RHBDD1: variants seen among roughly 807,000 people sequenced by gnomAD.
RHBDD1 encodes rhomboid-related protein 4.
In RHBDD1, 38 loss-of-function variants were observed where a neutral mutation model predicts 36.3. The observed-to-expected ratio is 1.05, with a 90% CI of 0.81 to 1.37. RHBDD1 has a LOEUF of 1.37. Ranked by LOEUF, RHBDD1 falls within the 40% of genes most tolerant of loss-of-function variation. The probability of loss-of-function intolerance (pLI) is 0.00; values close to 1 mark genes in which losing one functional copy is unlikely to be tolerated. For synonymous variants in RHBDD1, 151 were observed against 136.5 expected, an observed-to-expected ratio of 1.11 and a Z score of -0.74; for missense variants, 393 against 377.6, an observed-to-expected ratio of 1.04 and a Z score of -0.34.
intron 8 of RHBDD1, among the ~76,000 whole-genome samples, chr2:226,929,894 A>G (rs191289505): frequency 1.1e-3 from 165 of 152,172 alleles, no homozygotes; most frequent in African/African-American, 3.8e-3. Flanking sequence ...CCCTTTTATG[A>G]TAGCTGCAAA....
intron 3 of RHBDD1, among the ~76,000 whole-genome samples, chr2:226,859,930 G>A (rs1299342820): frequency 1.3e-5 from 2 of 152,162 alleles, no homozygotes; most frequent in African/African-American, 4.8e-5. Flanking sequence ...CAGTTGGTTG[G>A]ATTTTATGGT....
chr2:226,842,067 A>G (rs921535160), intron 3 of RHBDD1, among the ~76,000 whole-genome samples: 3 of 151,990 alleles, frequency 2.0e-5, no homozygotes, highest in Non-Finnish European at 2.9e-5. Context: ...GCTTTTTTTC[A>G]TATGTTTCAT....
At position 226,906,849 on chromosome 2, in the gene RHBDD1, G is replaced by A; in HGVS notation, c.623G>A (p.Gly208Glu). 2 of 1,614,108 alleles carry A rather than the reference G, an allele frequency of 1.2e-6. No individual in the cohort carries two copies. ...GILVGLMYTQ[G>E]PLKKIMEACA... Reference sequence around the variant, plus strand: ...CTTGTTGGACTAATGTACACTCAAGGGCCTCTGAAGAAAATCATGGAAGCA... The same window carrying A: ...CTTGTTGGACTAATGTACACTCAAGAGCCTCTGAAGAAAATCATGGAAGCA... The change falls in exon 6 of 9, where the codon GGG becomes GAG. Residue 208 changes from glycine to glutamate, a missense_variant. Transcript: ENST00000392062.
At position 226,996,832 on chromosome 2, in the gene RHBDD1, T is replaced by A. The variant is rs1959480430; in HGVS notation, c.*1310T>A. The A allele has an allele frequency of 6.6e-6, 1 of 152,324 alleles. No homozygotes were observed. Among genetic ancestry groups the A allele is most frequent in the African/African-American group, 2.4e-5 (1 of 41,574 alleles). 9.4% of individuals were successfully genotyped at this position (152,324 alleles called of 1,614,324 possible). A position where few individuals can be genotyped will look rare whatever the true frequency, so the allele number is the denominator to read the frequency against. On this transcript the variant is annotated 3_prime_UTR_variant, in exon 9 of 9. Transcript: ENST00000392062. ...TCAGGAAAACATATTTAATAACATA[T>A]AGTCAAGAAAACAGACTTAAAAATA...
At chr2:226,842,247 C>T (rs912762078) in intron 3 of RHBDD1, among the ~76,000 whole-genome samples, 3 of 152,084 alleles carry the variant, frequency 2.0e-5, no homozygotes, top group African/African-American at 7.2e-5. Context: ...GTTGTCTGTT[C>T]ACTCTAATGA....
At chr2:226,844,223 T>C (rs1016656180) in intron 3 of RHBDD1, among the ~76,000 whole-genome samples, 1 of 152,222 alleles carries the variant, frequency 6.6e-6, no homozygotes. Context: ...ATTCCAACTT[T>C]GGTCACTATC....
chr2:226,819,355 A>G, the RHBDD1 span, among the ~76,000 whole-genome samples: 1 of 152,160 alleles, frequency 6.6e-6, no homozygotes, highest in Non-Finnish European at 1.5e-5. Context: ...TGATGTACAT[A>G]TTTTATTTTC....
chr2:226,950,240 T>C (rs764216044), intron 8 of RHBDD1, among the ~76,000 whole-genome samples: 2 of 152,240 alleles, frequency 1.3e-5, no homozygotes, highest in Non-Finnish European at 2.9e-5. Flanking sequence ...TGCTCTCTGC[T>C]TCTGTGAGTT....
At chr2:226,962,521 T>A (rs964230188) in intron 8 of RHBDD1, among the ~76,000 whole-genome samples, 1 of 152,252 alleles carries the variant, frequency 6.6e-6, no homozygotes, top group African/African-American at 2.4e-5. Flanking sequence ...TAGTCTTTAA[T>A]CATATCTGTA....
intron 7 of RHBDD1, among the ~76,000 whole-genome samples, chr2:226,912,967 G>A (rs1200884687): frequency 1.3e-5 from 2 of 152,098 alleles, no homozygotes; most frequent in Non-Finnish European, 2.9e-5. Flanking sequence ...TTGTTTATAT[G>A]AAAATGAAGT....
chr2:226,866,715 T>A (rs1379769343), intron 4 of RHBDD1, among the ~76,000 whole-genome samples: 1 of 152,240 alleles, frequency 6.6e-6, no homozygotes, highest in Non-Finnish European at 1.5e-5. Flanking sequence ...TTCCTTCTGC[T>A]TTTCCTGACA....
At chr2:226,986,127 C>G (rs1956889663) in intron 8 of RHBDD1, among the ~76,000 whole-genome samples, 1 of 152,088 alleles carries the variant, frequency 6.6e-6, no homozygotes, top group South Asian at 2.1e-4. Flanking sequence ...CAAACCAGAC[C>G]GAATGAAATT....
chr2:226,930,743 CAAA>C (rs1287256585), intron 8 of RHBDD1, among the ~76,000 whole-genome samples: 4 of 151,752 alleles, frequency 2.6e-5, no homozygotes, highest in African/African-American at 9.7e-5. Flanking sequence ...ATGTATCTGA[CAAA>C]GGACTAATAT....
chr2:226,908,609 A>G, intron 6 of RHBDD1: 1 of 555,588 alleles, frequency 1.8e-6, no homozygotes, highest in Non-Finnish European at 3.2e-6. Context: ...ACACACACAC[A>G]CACACACACA....
chr2:226,993,286 G>A (rs534585316), intron 8 of RHBDD1, among the ~76,000 whole-genome samples: 1 of 152,328 alleles, frequency 6.6e-6, no homozygotes, highest in Non-Finnish European at 1.5e-5. Context: ...GCCTCCATGG[G>A]TTTCTGCCCT....
At chr2:226,811,808 G>A in the RHBDD1 span, among the ~76,000 whole-genome samples, 2 of 152,202 alleles carry the variant, frequency 1.3e-5, no homozygotes, top group African/African-American at 4.8e-5. Context: ...AGTGCAAAAT[G>A]TCTTTTGAAG....
At chr2:226,986,292 T>C (rs1956936389) in intron 8 of RHBDD1, among the ~76,000 whole-genome samples, 1 of 152,086 alleles carries the variant, frequency 6.6e-6, no homozygotes, top group Non-Finnish European at 1.5e-5. Context: ...AAAAAGGAAA[T>C]TAGTGAAAAA....
chr2:226,858,444 G>T (rs557922017), intron 3 of RHBDD1, among the ~76,000 whole-genome samples: 137 of 152,100 alleles, frequency 9.0e-4, no homozygotes, highest in Non-Finnish European at 1.6e-3. Context: ...TGTAGTTCCT[G>T]TCTTTCTTGT....
intron 3 of RHBDD1, among the ~76,000 whole-genome samples, chr2:226,861,406 G>C (rs991812436): frequency 3.3e-5 from 5 of 152,180 alleles, no homozygotes; most frequent in African/African-American, 9.6e-5. Flanking sequence ...CATCCAGCCA[G>C]AAGTAACTCA....
Sources: gnomAD v4.1 joint callset for allele counts (sites outside exome capture counted in the v4.1 genomes callset) on GRCh38, gnomAD v4.1.1 for gene constraint, MANE v1.5 for transcripts, NCBI Gene and HGNC (gene_info 2026-07-23, HGNC 2026-07-21) for gene names.